Variants in ASPRV1 observed in about 807,000 individuals in gnomAD.
ASPRV1 encodes retroviral-like aspartic protease 1.
In ASPRV1, 7 loss-of-function variants were observed where a neutral mutation model predicts 11.0. The observed-to-expected ratio is 0.64, with a 90% CI of 0.36 to 1.20. ASPRV1 has a LOEUF of 1.20. ASPRV1 is among the 50% of genes most tolerant of loss of function. The probability of loss-of-function intolerance (pLI) is 0.02; values close to 1 mark genes in which losing one functional copy is unlikely to be tolerated. For missense variants in ASPRV1, 299 were observed against 320.0 expected (o/e 0.93, Z 0.50); for synonymous variants, 136 against 138.4 (o/e 0.98, Z 0.12).
the ASPRV1 span, among the ~76,000 whole-genome samples, chr2:70,008,894 T>TCA: frequency 6.6e-6 from 1 of 152,212 alleles, no homozygotes; most frequent in African/African-American, 2.4e-5. Context: ...GCATTCAGTC[T>TCA]GTGCAAGAGA....
downstream of ASPRV1, among the ~76,000 whole-genome samples, chr2:69,956,654 T>C (rs557338618): frequency 1.3e-5 from 2 of 152,144 alleles, no homozygotes; most frequent in South Asian, 4.2e-4. Context: ...GTGACAGTCT[T>C]ATGAGAAACA....
the ASPRV1 span, among the ~76,000 whole-genome samples, chr2:70,066,141 A>G: frequency 6.6e-6 from 1 of 152,088 alleles, no homozygotes; most frequent in Non-Finnish European, 1.5e-5. Flanking sequence ...ACTGGGAGGC[A>G]GAGGTTGCAT....
At chr2:70,048,913 C>CTCTGTGTCCCTCTCT in the ASPRV1 span, 1 of 152,226 alleles carries the variant, frequency 6.6e-6, no homozygotes, top group East Asian at 1.9e-4. Context: ...GCCATCTTCC[C>CTCTGTGTCCCTCTCT]TCTGTGTCCC....
At chr2:69,970,469 G>A in the ASPRV1 span, among the ~76,000 whole-genome samples, 1 of 152,056 alleles carries the variant, frequency 6.6e-6, no homozygotes, top group South Asian at 2.1e-4. Flanking sequence ...AAACAGGACG[G>A]GCTTTCTCAT....
chr2:69,938,861 C>T, the ASPRV1 span: 2 of 152,934 alleles, frequency 1.3e-5, no homozygotes, highest in Admixed American at 6.5e-5. Context: ...CGACGCGCCG[C>T]GTGTGGATGG....
the ASPRV1 span, among the ~76,000 whole-genome samples, chr2:69,971,786 TG>T: frequency 6.6e-6 from 1 of 152,264 alleles, no homozygotes; most frequent in African/African-American, 2.4e-5. Context: ...TTGCATCATC[TG>T]GGGGAGCTTT....
the ASPRV1 span, among the ~76,000 whole-genome samples, chr2:70,027,280 A>AGG: frequency 6.6e-6 from 1 of 151,372 alleles, no homozygotes; most frequent in African/African-American, 2.4e-5. Flanking sequence ...AAAAAAAAAA[A>AGG]AAAAGCGGGG....
the ASPRV1 span, among the ~76,000 whole-genome samples, chr2:70,036,619 A>AAC: frequency 1.2e-4 from 18 of 152,264 alleles, no homozygotes; most frequent in South Asian, 3.7e-3. Flanking sequence ...AATAATCTAA[A>AAC]ACACACAGGA....
chr2:69,980,316 G>A, the ASPRV1 span, among the ~76,000 whole-genome samples: 1 of 152,284 alleles, frequency 6.6e-6, no homozygotes, highest in East Asian at 1.9e-4. Context: ...GAAAAAATCC[G>A]TAAACTCATT....
At chr2:69,978,792 C>T in the ASPRV1 span, among the ~76,000 whole-genome samples, 2 of 152,174 alleles carry the variant, frequency 1.3e-5, no homozygotes, top group African/African-American at 4.8e-5. Context: ...GTCATGGAAC[C>T]CTCCCCTTCA....
chr2:70,029,695 C>T, the ASPRV1 span, among the ~76,000 whole-genome samples: 2 of 152,180 alleles, frequency 1.3e-5, no homozygotes, highest in African/African-American at 4.8e-5. Flanking sequence ...TCAGATTCAA[C>T]TCCCTCCCCT....
At chr2:70,049,801 G>A in the ASPRV1 span, 4 of 152,194 alleles carry the variant, frequency 2.6e-5, no homozygotes, top group Non-Finnish European at 4.4e-5. Context: ...CCCATGGTTT[G>A]GTAATGAAAT....
At chr2:69,983,530 G>C in the ASPRV1 span, among the ~76,000 whole-genome samples, 1 of 152,196 alleles carries the variant, frequency 6.6e-6, no homozygotes, top group African/African-American at 2.4e-5. Flanking sequence ...GCCACCTCCT[G>C]CTCGGGCCCA....
the ASPRV1 span, among the ~76,000 whole-genome samples, chr2:70,017,834 G>C: frequency 3.9e-5 from 6 of 151,998 alleles, no homozygotes; most frequent in African/African-American, 1.2e-4. Flanking sequence ...ATTTACAATA[G>C]CTATTTAAAA....
chr2:70,076,978 T>C, the ASPRV1 span, among the ~76,000 whole-genome samples: 27 of 152,322 alleles, frequency 1.8e-4, no homozygotes, highest in East Asian at 4.8e-3. Flanking sequence ...TCAGGGACTA[T>C]CCGTACAAAT....
upstream of ASPRV1, among the ~76,000 whole-genome samples, chr2:69,965,018 G>T (rs13428041): frequency 6.1e-3 from 925 of 152,208 alleles, 10 homozygotes; most frequent in African/African-American, 0.021. Flanking sequence ...TGAAGCCCTT[G>T]GTGGGCAGTG....
chr2:69,937,105 C>A, the ASPRV1 span: 1 of 1,204,084 alleles, frequency 8.3e-7, no homozygotes, highest in Non-Finnish European at 1.2e-6. Context: ...CAGGGAGAAG[C>A]TTGATGAGTG....
At chr2:69,984,976 C>T in the ASPRV1 span, among the ~76,000 whole-genome samples, 1 of 152,046 alleles carries the variant, frequency 6.6e-6, no homozygotes, top group African/African-American at 2.4e-5. Flanking sequence ...CCTGCCTCAG[C>T]CTCCCGAGTA....
chr2:70,038,626 G>T, the ASPRV1 span, among the ~76,000 whole-genome samples: 3 of 152,136 alleles, frequency 2.0e-5, no homozygotes, highest in African/African-American at 7.2e-5. Context: ...ATTCCCCCTT[G>T]GTAGGCTCTG....
Sources: allele counts gnomAD v4.1 joint callset (sites outside exome capture counted in the v4.1 genomes callset), GRCh38; gene constraint gnomAD v4.1.1; transcripts MANE v1.5; gene names NCBI Gene and HGNC (gene_info 2026-07-23, HGNC 2026-07-21).